The following PCCB variants were observed in gnomAD, a reference collection of about 807,000 sequenced individuals.
PCCB encodes propionyl-CoA carboxylase subunit beta, also known as propionyl-CoA carboxylase beta chain, mitochondrial.
Under a neutral mutation model 60.7 loss-of-function variants are expected in PCCB, and 43 were observed. The observed-to-expected ratio is 0.71, with a 90% CI of 0.55 to 0.91. PCCB has a LOEUF of 0.91. Ranked by LOEUF, PCCB falls within the 40% of genes least tolerant of loss-of-function variation. The pLI is 0.00. For synonymous variants in PCCB, 276 were observed against 255.9 expected, an observed-to-expected ratio of 1.08 and a Z score of -0.75; for missense variants, 766 against 702.8, an observed-to-expected ratio of 1.09 and a Z score of -1.02.
intron 3 of PCCB, among the ~76,000 whole-genome samples, 193 bp downstream of exon 3, chr3:136,256,816 T>G (rs539389383): frequency 1.3e-5 from 2 of 152,144 alleles, no homozygotes; most frequent in Non-Finnish European, 2.9e-5. Flanking sequence ...TAGTCTGTTT[T>G]GGGGGGGATC....
At chr3:136,281,984 C>T (rs897896937) in intron 5 of PCCB, among the ~76,000 whole-genome samples, 1 of 152,128 alleles carries the variant, frequency 6.6e-6, no homozygotes, top group South Asian at 2.1e-4. Context: ...TCCCTTGTGG[C>T]TGGGAAGCTG....
At chr3:136,314,716 A>AT (rs1384530934) in intron 9 of PCCB, among the ~76,000 whole-genome samples, 11 of 152,194 alleles carry the variant, frequency 7.2e-5, no homozygotes, top group Non-Finnish European at 2.9e-5. Flanking sequence ...GGCAGCTATC[A>AT]TGACAGTAAT....
chr3:136,296,276 C>G (rs1000399581), intron 7 of PCCB, among the ~76,000 whole-genome samples: 5 of 152,198 alleles, frequency 3.3e-5, no homozygotes, highest in Non-Finnish European at 7.3e-5. Context: ...ACCACAGATA[C>G]TTCTGCTCTA....
In PCCB at chr3:136,250,550, C is replaced by G; in HGVS notation, c.175C>G (p.His59Asp). 1 of 1,612,068 alleles carries G rather than the reference C, an allele frequency of 6.2e-7. No individual in the cohort carries two copies. Among genetic ancestry groups the G allele is most frequent in the Non-Finnish European group, 8.5e-7 (1 of 1,179,532 alleles). The stretch of plus-strand genomic sequence containing the variant: ...GGGCCAACGCCGTATTGACGCGCAG[C>G]ACAAGCGAGTGAGTCCTGAGGGGCC... ...GGGQRRIDAQ[H>D]KRGKLTARER... The change falls in exon 1 of 15, where the codon CAC (histidine) becomes GAC (aspartate). Residue 59 changes from histidine (H) to aspartate (D), a missense_variant. Physicochemically the swap from His to Asp is moderately conservative, Grantham distance 81 (BLOSUM62 -1). Coordinates refer to ENST00000251654, the MANE Select transcript of PCCB (RefSeq NM_000532.5).
Position 136,271,214 on chromosome 3 carries a change from T to G in PCCB, c.543+9149T>G, listed in dbSNP as rs375091166. Among the ~76,000 whole-genome samples, 28 of 152,120 alleles carry G rather than the reference T, an allele frequency of 1.8e-4. No individual in the cohort carries two copies. The East Asian group carries it at 2.7e-3, about 15-fold the overall frequency. On this transcript the variant is annotated intron_variant, in intron 5 of 14. Transcript: ENST00000251654. ...TTGCCTGGGCCAGTGTTCAGAAGAG[T>G]TTTTCCAATGTTGCAGAATTTTTAT...
At chr3:136,268,702 G>A (rs1942104957) in intron 5 of PCCB, among the ~76,000 whole-genome samples, 1 of 151,914 alleles carries the variant, frequency 6.6e-6, no homozygotes, top group Non-Finnish European at 1.5e-5. Flanking sequence ...GATCTCAGGT[G>A]ATCCACCCGC....
At chr3:136,290,504 T>A (rs1186732231) in intron 6 of PCCB, among the ~76,000 whole-genome samples, 1 of 151,686 alleles carries the variant, frequency 6.6e-6, no homozygotes, top group South Asian at 2.1e-4. Flanking sequence ...CTAAGTGTAG[T>A]TTTTTGTTTT....
chr3:136,309,267 A>G (rs1934567174), intron 9 of PCCB, among the ~76,000 whole-genome samples: 1 of 151,340 alleles, frequency 6.6e-6, no homozygotes, highest in Admixed American at 6.6e-5. Flanking sequence ...CATCTCAAAA[A>G]AAAAAAAAAA....
In PCCB at chr3:136,326,686, G is replaced by C. The variant is rs551702183; in HGVS notation, c.1091-117G>C. The C allele has an allele frequency of 4.1e-4, 325 of 785,242 alleles. 2 individuals carry two copies. Among genetic ancestry groups the C allele is most frequent in the South Asian group, 3.6e-3 (267 of 73,638 alleles). The allele number at this position is 785,242 out of a possible 1,614,324, so 48.6% of individuals were successfully genotyped here. A position where few individuals can be genotyped will look rare whatever the true frequency, so the allele number is the denominator to read the frequency against. On this transcript the variant is annotated intron_variant, in intron 10 of 14. Coordinates refer to ENST00000251654, the MANE Select transcript of PCCB (RefSeq NM_000532.5). ...GTCCTTGTTACCATTCTGCAACAAA[G>C]AAGTGTTGGTGCCTCCACAGAAACC...
intron 7 of PCCB, among the ~76,000 whole-genome samples, chr3:136,296,313 CTG>C (rs1933938240): frequency 1.3e-5 from 2 of 152,188 alleles, no homozygotes; most frequent in African/African-American, 4.8e-5. Flanking sequence ...CTTTCTGTCT[CTG>C]TGGATTTTTT....
chr3:136,314,312 A>G (rs974959699), intron 9 of PCCB, among the ~76,000 whole-genome samples: 1 of 152,204 alleles, frequency 6.6e-6, no homozygotes, highest in Non-Finnish European at 1.5e-5. Context: ...CTATAAGTAA[A>G]TGGGAAAGGC....
At chr3:136,268,896 C>T (rs749805937) in intron 5 of PCCB, among the ~76,000 whole-genome samples, 2 of 152,190 alleles carry the variant, frequency 1.3e-5, no homozygotes, top group African/African-American at 4.8e-5. Flanking sequence ...GAATGTTTCT[C>T]TGTTTATGTA....
chr3:136,280,522 A>G (rs1023815490), intron 5 of PCCB, among the ~76,000 whole-genome samples: 1 of 151,916 alleles, frequency 6.6e-6, no homozygotes, highest in Non-Finnish European at 1.5e-5. Flanking sequence ...ATTTTTGTAT[A>G]TTTTGTAAAG....
At chr3:136,278,692 G>T (rs976768716) in intron 5 of PCCB, among the ~76,000 whole-genome samples, 18 of 152,114 alleles carry the variant, frequency 1.2e-4, no homozygotes, top group Non-Finnish European at 2.1e-4. Context: ...TTAAATTTAA[G>T]ATTTGTTTTG....
At chr3:136,251,184 C>G in intron 1 of PCCB, 1 of 456,144 alleles carries the variant, frequency 2.2e-6, no homozygotes, top group Non-Finnish European at 4.4e-6. Flanking sequence ...AGGCTACTCT[C>G]GATGTTTGGC....
At position 136,327,731 on chromosome 3, in the gene PCCB, A is replaced by T. The variant is rs1356237073; in HGVS notation, c.1397A>T (p.Lys466Met). 2 of 1,610,692 alleles carry T rather than the reference A, an allele frequency of 1.2e-6. No individual in the cohort carries two copies. Among genetic ancestry groups the T allele is most frequent in the Non-Finnish European group, 1.7e-6 (2 of 1,177,186 alleles). The part of the protein sequence containing the change: ...PTAEIAVMGA[K>M]GAVEIIFKGH... ...GCAGAGATTGCAGTCATGGGAGCAA[A>T]GGTGAGGGCCTCTTGCTTTTCCCTT... Residue 466 changes from lysine (K) to methionine (M), a missense_variant and splice_region_variant, in exon 13 of 15, where the codon AAG (lysine) becomes ATG (methionine). Physicochemically the swap from Lys to Met is moderately conservative, Grantham distance 95 (BLOSUM62 -1). Coordinates refer to ENST00000251654, the MANE Select transcript of PCCB (RefSeq NM_000532.5).
chr3:136,306,510 A>G lies in PCCB; in HGVS notation c.966+5399A>G, dbSNP rs1934454504. On this transcript the variant is annotated intron_variant, in intron 9 of 14. Transcript: ENST00000251654. ...AAAAATGAATGAAATAATATAAAAA[A>G]GTAAAAGTAGATTTTACATTCTCAC... 1.6e-5 allele frequency among the ~76,000 whole-genome samples: 2 copies of G among 122,882 alleles called. 1 individual carries two copies. Among genetic ancestry groups the G allele is most frequent in the African/African-American group, 5.0e-5 (2 of 40,206 alleles). 80.6% of individuals were successfully genotyped at this position (122,882 alleles called of 152,430 possible).
intron 2 of PCCB, chr3:136,256,255 A>T: frequency 1.8e-6 from 1 of 565,422 alleles, no homozygotes; most frequent in Non-Finnish European, 3.1e-6. Flanking sequence ...GTGTTTCTTT[A>T]TACGTCCTCC....
chr3:136,305,374 A>G lies in PCCB; in HGVS notation c.966+4263A>G, dbSNP rs148878601. On this transcript the variant is annotated intron_variant, in intron 9 of 14. Transcript: ENST00000251654. ...CCCAAACTACTGGCATTAGAGGTGT[A>G]AGCCACTGCACCTAGACCATATATT... 2.6e-3 allele frequency among the ~76,000 whole-genome samples: 320 copies of G among 121,952 alleles called. 99 individuals carry two copies. The highest frequency in any genetic ancestry group is 4.4e-3 in the Non-Finnish European group (243 of 54,638). 80.0% of individuals were successfully genotyped at this position (121,952 alleles called of 152,430 possible).
Sources: gnomAD v4.1 joint callset for allele counts (sites outside exome capture counted in the v4.1 genomes callset) on GRCh38, gnomAD v4.1.1 for gene constraint, MANE v1.5 for transcripts, NCBI Gene and HGNC (gene_info 2026-07-23, HGNC 2026-07-21) for gene names.